Variants in ISL2 observed in about 807,000 individuals in gnomAD.
ISL2 encodes insulin gene enhancer protein ISL-2.
A neutral mutation model predicts 34.6 loss-of-function variants in ISL2; 17 were observed. That is an observed-to-expected ratio of 0.49 (90% CI 0.34 to 0.74). ISL2 has a LOEUF of 0.74. ISL2 is among the 30% of genes least tolerant of loss of function. The probability of loss-of-function intolerance (pLI) is 0.01; values close to 1 mark genes in which losing one functional copy is unlikely to be tolerated. For synonymous variants in ISL2, 232 were observed against 225.5 expected (o/e 1.03, Z -0.26); for missense variants, 469 against 515.2 (o/e 0.91, Z 0.87).
rs2040155618 is a variant in ISL2 at position 76,337,035 on chromosome 15, G to A, written c.58+94G>A. The A allele has an allele frequency of 3.5e-6, 4 of 1,139,032 alleles. No individual in the cohort carries two copies. In the South Asian group the frequency reaches 5.0e-5, roughly 14 times the overall value. 70.6% of individuals were successfully genotyped at this position (1,139,032 alleles called of 1,614,324 possible). Reference sequence around the variant, plus strand: ...GAAAAATGTTTAGTGGATTCTACAAGTGGCTTCTATTTGTCAGAATAGTTT... The same window carrying A: ...GAAAAATGTTTAGTGGATTCTACAAATGGCTTCTATTTGTCAGAATAGTTT... On this transcript the variant is annotated intron_variant, in intron 1 of 5. Coordinates refer to ENST00000290759, the MANE Select transcript of ISL2 (RefSeq NM_145805.3).
In ISL2 at chr15:76,337,970, G is replaced by A; in HGVS notation, c.248+3G>A. 6.4e-7 allele frequency: 1 copy of A among 1,557,444 alleles called. No individual in the cohort carries two copies. Among genetic ancestry groups the A allele is most frequent in the South Asian group, 1.2e-5 (1 of 86,110 alleles). On this transcript the variant is annotated splice_donor_region_variant and intron_variant, in intron 2 of 5. Transcript: ENST00000290759. The stretch of plus-strand genomic sequence containing the variant: ...TACTGCAAGCGGGACTATGTCAGGT[G>A]AGGCCGGCGGGAACGCGGGCTGGGC...
At chr15:76,339,780 G>A in intron 3 of ISL2, 5 of 993,362 alleles carry the variant, frequency 5.0e-6, no homozygotes, top group Non-Finnish European at 6.0e-6. Flanking sequence ...GGGCTCTGAA[G>A]GAGGGGAAGG....
At chr15:76,339,278 C>T (rs1052468235) in intron 3 of ISL2, 5 of 984,654 alleles carry the variant, frequency 5.1e-6, no homozygotes, top group Non-Finnish European at 4.8e-6. Flanking sequence ...CCCGCTCCTC[C>T]CCTCTCTGGA....
intron 3 of ISL2, 128 bp downstream of exon 3, chr15:76,338,642 T>C (rs2040171151): frequency 2.4e-6 from 3 of 1,232,542 alleles, no homozygotes; most frequent in Non-Finnish European, 3.1e-6. Context: ...ATAGTGTTTT[T>C]CTGTATCAGT....
rs777149092 is a variant in ISL2 at position 76,340,428 on chromosome 15, G to C, written c.664G>C (p.Glu222Gln). 1 of 1,613,814 alleles carries C rather than the reference G, an allele frequency of 6.2e-7. No homozygotes were observed. Among genetic ancestry groups the C allele is most frequent in the Non-Finnish European group, 8.5e-7 (1 of 1,179,986 alleles). Residue 222 changes from glutamate to glutamine, a missense_variant, in exon 4 of 6, where the codon GAG becomes CAG. Physicochemically the swap from Glu to Gln is conservative, Grantham distance 29 (BLOSUM62 2). This residue lies in a region of ISL2 where 297 missense variants were observed against 337.8 expected (regional missense o/e 0.88). Coordinates refer to ENST00000290759, the MANE Select transcript of ISL2 (RefSeq NM_145805.3). The part of the protein sequence containing the change: ...ANPRPDALMK[E>Q]QLVEMTGLSP... ...CCCGCGGCCCGACGCTCTCATGAAGGAGCAGCTGGTGGAGATGACCGGCCT... is the reference window on the plus strand; with the variant it reads ...CCCGCGGCCCGACGCTCTCATGAAGCAGCAGCTGGTGGAGATGACCGGCCT...
chr15:76,340,658 G>A (rs2040186866), intron 4 of ISL2, 99 bp downstream of exon 4: 1 of 1,139,878 alleles, frequency 8.8e-7, no homozygotes, highest in Non-Finnish European at 1.3e-6. Flanking sequence ...GGAGATCCAG[G>A]GAGAACTGGG....
intron 1 of ISL2, 84 bp from the exon 2 acceptor site, chr15:76,337,694 G>A: frequency 8.4e-7 from 1 of 1,192,366 alleles, no homozygotes. Flanking sequence ...GAGAGCGAGC[G>A]GGTTGGGTTG....
chr15:76,340,819 G>A (rs1285312068), intron 4 of ISL2, among the ~76,000 whole-genome samples: 1 of 152,256 alleles, frequency 6.6e-6, no homozygotes, highest in African/African-American at 2.4e-5. Context: ...AGGCTGCATG[G>A]CAGTGTGCAG....
intron 3 of ISL2, chr15:76,339,272 C>A: frequency 4.1e-6 from 4 of 984,758 alleles, no homozygotes; most frequent in Non-Finnish European, 4.8e-6. Flanking sequence ...CCTTGCCCCG[C>A]TCCTCCCCTC....
intron 3 of ISL2, chr15:76,338,844 C>T: frequency 1.0e-6 from 1 of 985,264 alleles, no homozygotes; most frequent in Non-Finnish European, 1.2e-6. Context: ...CGTCTTGGGG[C>T]TTGTATTAGG....
intron 3 of ISL2, chr15:76,339,947 G>T (rs77623289): frequency 0.045 from 51,726 of 1,139,662 alleles, 1,384 homozygotes; most frequent in Non-Finnish European, 0.051. Flanking sequence ...GGCTTCGCTC[G>T]TTCCGAGGGT....
At chr15:76,337,034 A>G in intron 1 of ISL2, 93 bp downstream of exon 1, 1 of 1,139,872 alleles carries the variant, frequency 8.8e-7, no homozygotes, top group Non-Finnish European at 1.3e-6. Context: ...GGATTCTACA[A>G]GTGGCTTCTA....
Position 76,341,757 on chromosome 15 carries a change from C to G in ISL2, c.1002C>G (p.Ser334=), listed in dbSNP as rs150905281. The change falls in exon 6 of 6, where the codon TCC becomes TCG. Residue 334 remains serine, a synonymous_variant. Transcript: ENST00000290759. ...AGTCCGGCTCCCTAGGCAACTCCTC[C>G]GGCAGCGACGTGACCTCCCTGTCCT... ...FSESGSLGNS[S]GSDVTSLSSQ... 1.2e-5 allele frequency: 20 copies of G among 1,613,896 alleles called. No individual in the cohort carries two copies. The African/African-American group carries it at 2.4e-4, about 19-fold the overall frequency.
chr15:76,340,206 C>G, intron 3 of ISL2, 70 bp from the exon 4 acceptor site: 40 of 1,466,764 alleles, frequency 2.7e-5, no homozygotes, highest in Non-Finnish European at 3.5e-5. Flanking sequence ...GCTGGGCCAC[C>G]CGGAGGTTGG....
intron 3 of ISL2, chr15:76,339,880 CCA>C (rs2040180598): frequency 9.7e-7 from 1 of 1,030,724 alleles, no homozygotes; most frequent in Non-Finnish European, 1.2e-6. Context: ...CTTTCCCTCT[CCA>C]GAGTCCTGGG....
intron 1 of ISL2, 109 bp downstream of exon 1, chr15:76,337,050 C>G (rs1234635047): frequency 2.0e-6 from 2 of 999,512 alleles, no homozygotes; most frequent in African/African-American, 3.2e-5. Context: ...TTCTATTTGT[C>G]AGAATAGTTT....
In ISL2 at chr15:76,341,211, A is replaced by G; in HGVS notation, c.873A>G (p.Ala291=). The G allele has an allele frequency of 6.2e-7, 1 of 1,612,494 alleles. No homozygotes were observed. Among genetic ancestry groups the G allele is most frequent in the Non-Finnish European group, 8.5e-7 (1 of 1,179,746 alleles). Residue 291 remains alanine (A), a synonymous_variant, in exon 5 of 6, where the codon GCA becomes GCG. Transcript: ENST00000290759. ...IRHENAVQGS[A]VEVQTYQPPW... is the part of the protein sequence containing the mutation. ...ATGAGAACGCCGTGCAGGGCAGCGC[A>G]GTGGAGGTGCAGACGTACCAGCCGC...
At chr15:76,338,780 G>GC (rs2040171973) in intron 3 of ISL2, 2 of 985,310 alleles carry the variant, frequency 2.0e-6, no homozygotes, top group Non-Finnish European at 2.4e-6. Flanking sequence ...AACATGCAGG[G>GC]CACAGTGCTA....
chr15:76,338,448 C>T lies in ISL2; in HGVS notation c.445C>T (p.Arg149Cys), dbSNP rs746888111. ...CRADHGLLLE[R>C]AAAGSPRSPG... ...CGCCGACCACGGCCTCCTGCTCGAG[C>T]GCGCCGCGGCCGGCAGCCCGCGCAG... The change falls in exon 3 of 6, where the codon CGC becomes TGC. Residue 149 changes from arginine to cysteine, a missense_variant. Physicochemically the swap from Arg to Cys is radical, Grantham distance 180 (BLOSUM62 -3). Transcript: ENST00000290759. The T allele has an allele frequency of 1.2e-5, 17 of 1,436,046 alleles. No homozygotes were observed. In the Admixed American group the frequency reaches 4.5e-4, roughly 38 times the overall value. 89.0% of individuals were successfully genotyped at this position (1,436,046 alleles called of 1,614,324 possible).
Sources: gnomAD v4.1 joint callset for allele counts (sites outside exome capture counted in the v4.1 genomes callset) on GRCh38, gnomAD v4.1.1 for gene constraint, gnomAD v4.1.1 regional missense constraint, MANE v1.5 for transcripts, NCBI Gene and HGNC (gene_info 2026-07-23, HGNC 2026-07-21) for gene names.